MTUS1: variants seen among roughly 807,000 people sequenced by gnomAD.
MTUS1 encodes the protein microtubule associated scaffold protein 1, also known as microtubule-associated tumor suppressor 1.
MTUS1 carries 109 observed loss-of-function variants against 120.8 expected under a neutral mutation model. The observed-to-expected ratio is 0.90, with a 90% CI of 0.77 to 1.06. The LOEUF (loss-of-function observed/expected upper bound fraction) is 1.06, where lower values mean the gene tolerates loss of function less well. Among genes scored for constraint, MTUS1 ranks in the 50% least tolerant of loss-of-function variants. MTUS1 has a pLI of 0.00. For synonymous variants in MTUS1, 737 were observed against 550.5 expected (o/e 1.34, Z -4.74); for missense variants, 2,210 against 1,486.3 (o/e 1.49, Z -8.01).
rs2045920710 is a variant in MTUS1, at chr8:17,722,537, T to C, written c.2449+1135A>G. ...TAATTGCAAGTCACATATCCCAGTA[T>C]TCCTGAAGTGCCAGGGTATGCAGCT... On this transcript the variant is annotated intron_variant, in intron 4 of 14. Transcript: ENST00000693296. 3 of 985,264 alleles carry C rather than the reference T, an allele frequency of 3.0e-6. No homozygotes were observed. In the South Asian group the frequency reaches 1.4e-4, roughly 46 times the overall value. 61.0% of individuals were successfully genotyped at this position (985,264 alleles called of 1,614,324 possible). A position where few individuals can be genotyped will look rare whatever the true frequency, so the allele number is the denominator to read the frequency against.
chr8:17,711,078 T>C (rs183550345), intron 6 of MTUS1, among the ~76,000 whole-genome samples: 92 of 152,300 alleles, frequency 6.0e-4, no homozygotes, highest in African/African-American at 2.0e-3. Flanking sequence ...GTTTCATTTA[T>C]AGAGCACAGG....
At chr8:17,647,262 G>A (rs1806013861) in intron 13 of MTUS1, 183 bp from the exon 14 acceptor site, 6 of 535,730 alleles carry the variant, frequency 1.1e-5, no homozygotes, top group African/African-American at 1.9e-5. Flanking sequence ...AAACAGAGCG[G>A]CTGGGTATTT....
intron 6 of MTUS1, chr8:17,691,988 T>C (rs1351929514): frequency 6.6e-6 from 1 of 152,138 alleles, no homozygotes; most frequent in African/African-American, 2.4e-5. Flanking sequence ...ACAAAATAAC[T>C]TGAAAGTTTA....
At chr8:17,690,227 C>G (rs1261966227) in intron 6 of MTUS1, among the ~76,000 whole-genome samples, 1 of 152,122 alleles carries the variant, frequency 6.6e-6, no homozygotes. Context: ...ACAGATGTTT[C>G]TCAAAAGAAG....
intron 6 of MTUS1, chr8:17,697,276 G>C (rs1451127914): frequency 1.2e-6 from 2 of 1,613,894 alleles, no homozygotes; most frequent in Admixed American, 3.3e-5. Flanking sequence ...AAACAACAGT[G>C]CTTCTCCTAA....
At chr8:17,761,011 CAAG>C (rs1329142845) in intron 1 of MTUS1, among the ~76,000 whole-genome samples, 1 of 151,698 alleles carries the variant, frequency 6.6e-6, no homozygotes, top group South Asian at 2.1e-4. Flanking sequence ...TTTGGGAAAA[CAAG>C]GAGATCTTTT....
At chr8:17,727,082 A>G (rs1217463464) in intron 3 of MTUS1, among the ~76,000 whole-genome samples, 2 of 151,858 alleles carry the variant, frequency 1.3e-5, no homozygotes, top group African/African-American at 2.4e-5. Flanking sequence ...CCCCTATCTC[A>G]TTGTCACCCC....
intron 8 of MTUS1, among the ~76,000 whole-genome samples, chr8:17,661,787 G>C (rs1809765845): frequency 6.6e-6 from 1 of 152,180 alleles, no homozygotes; most frequent in South Asian, 2.1e-4. Flanking sequence ...GTCCAAAGCA[G>C]CAGGCCCAGC....
chr8:17,658,623 T>C (rs887296790), intron 8 of MTUS1, among the ~76,000 whole-genome samples: 29 of 152,198 alleles, frequency 1.9e-4, no homozygotes, highest in African/African-American at 7.0e-4. Context: ...GCAAATCTGT[T>C]AAATTAACCC....
chr8:17,748,901 T>C (rs541539140), intron 2 of MTUS1, among the ~76,000 whole-genome samples: 3 of 152,322 alleles, frequency 2.0e-5, no homozygotes, highest in Non-Finnish European at 4.4e-5. Context: ...ATGTTTCTAT[T>C]CTACATAGAG....
At chr8:17,698,480 T>C (rs891479077) in intron 6 of MTUS1, among the ~76,000 whole-genome samples, 3 of 152,244 alleles carry the variant, frequency 2.0e-5, no homozygotes, top group African/African-American at 4.8e-5. Context: ...ACGAATAGCC[T>C]GAGCTCTTAA....
chr8:17,721,922 T>G (rs1264242691), intron 4 of MTUS1: 2 of 1,604,838 alleles, frequency 1.2e-6, no homozygotes, highest in Non-Finnish European at 1.7e-6. Flanking sequence ...CAAAGCAAGC[T>G]TAAGCAGGAA....
At chr8:17,721,722 A>G in intron 4 of MTUS1, 1 of 1,566,818 alleles carries the variant, frequency 6.4e-7, no homozygotes, top group Non-Finnish European at 8.6e-7. Context: ...TTTTTTTCCC[A>G]GTAAACGTGG....
At position 17,654,682 on chromosome 8, in the gene MTUS1, A is replaced by G; in HGVS notation, c.3109-16T>C. 1 of 1,594,822 alleles carries G rather than the reference A, an allele frequency of 6.3e-7. No homozygotes were observed. The highest frequency in any genetic ancestry group is 8.6e-7 in the Non-Finnish European group (1 of 1,162,396). ...AGTTGTCAAACTGTAAGCAACAAAC[A>G]AAACCGTGGTTTAACAGTAAAACCA... On this transcript the variant is annotated splice_polypyrimidine_tract_variant and intron_variant, in intron 9 of 14. Coordinates refer to ENST00000693296, the MANE Select transcript of MTUS1 (RefSeq NM_001363059.2).
rs141794974 is a variant in MTUS1 at position 17,689,436 on chromosome 8, T to C, written c.2624-4894A>G. ...TATTCGAGAATAGAAAGCATATTCA[T>C]ATAAAAAATTCCTGTTTGGGTTAAT... On this transcript the variant is annotated intron_variant, in intron 6 of 14. Coordinates refer to ENST00000693296, the MANE Select transcript of MTUS1 (RefSeq NM_001363059.2). 3.7e-4 allele frequency among the ~76,000 whole-genome samples: 56 copies of C among 152,354 alleles called. 2 individuals are homozygous for C. In the East Asian group the frequency reaches 0.01, roughly 28 times the overall value.
Position 17,684,483 on chromosome 8 carries a change from C to A in MTUS1, c.2683G>T (p.Asp895Tyr), listed in dbSNP as rs773931133. The change falls in exon 7 of 15, where the codon GAT becomes TAT. Residue 895 changes from aspartate (D) to tyrosine (Y), a missense_variant. Asp to Tyr is a radical substitution (Grantham distance 160, BLOSUM62 -3). Transcript: ENST00000693296. ...AGTGTTTTCTCAGGGGGCAGCGCAT[C>A]GGGAGCTGTCTGTGGCTGGATACAT... ...SLCIQPQTAP[D>Y]ALPPEKTLEL... is the part of the protein sequence containing the mutation. 6.2e-7 allele frequency: 1 copy of A among 1,614,156 alleles called. No homozygotes were observed. The highest frequency in any genetic ancestry group is 8.5e-7 in the Non-Finnish European group (1 of 1,180,012).
intron 1 of MTUS1, among the ~76,000 whole-genome samples, chr8:17,759,978 G>C (rs1653216528): frequency 6.6e-6 from 1 of 151,854 alleles, no homozygotes; most frequent in Admixed American, 6.6e-5. Flanking sequence ...GGAGGCTGAG[G>C]CAGGAGCATC....
chr8:17,762,254 A>G (rs546570556), intron 1 of MTUS1, among the ~76,000 whole-genome samples: 5 of 152,320 alleles, frequency 3.3e-5, no homozygotes, highest in African/African-American at 9.6e-5. Flanking sequence ...ACTCCAGCCC[A>G]GGTGACAGAG....
intron 1 of MTUS1, among the ~76,000 whole-genome samples, chr8:17,769,414 C>G (rs1324753135): frequency 6.8e-6 from 1 of 146,812 alleles, no homozygotes; most frequent in Admixed American, 6.8e-5. Flanking sequence ...GTGGCGCGAT[C>G]TCGGCTCACT....
Sources: gnomAD v4.1 joint callset for allele counts (sites outside exome capture counted in the v4.1 genomes callset) on GRCh38, gnomAD v4.1.1 for gene constraint, MANE v1.5 for transcripts, NCBI Gene and HGNC (gene_info 2026-07-23, HGNC 2026-07-21) for gene names.